The following ADGRL3 variants were observed in gnomAD, a reference collection of about 807,000 sequenced individuals.
ADGRL3 encodes the protein calcium-independent alpha-latrotoxin receptor 3.
ADGRL3 carries 62 observed loss-of-function variants against 153.5 expected under a neutral mutation model. The ratio of observed to expected loss-of-function variants is 0.40; its 90% CI spans 0.33 to 0.50. The LOEUF is 0.50. ADGRL3 is among the 20% of genes least tolerant of loss of function. The pLI is 0.47. For synonymous variants in ADGRL3, 710 were observed against 672.5 expected (o/e 1.06, Z -0.86); for missense variants, 1,641 against 1,859.4 (o/e 0.88, Z 2.16).
intron 8 of ADGRL3, among the ~76,000 whole-genome samples, chr4:61,749,806 A>T (rs1037583913): frequency 6.6e-6 from 1 of 152,104 alleles, no homozygotes; most frequent in Non-Finnish European, 1.5e-5. Flanking sequence ...ACATGTATAC[A>T]TATGTAACTA....
intron 2 of ADGRL3, among the ~76,000 whole-genome samples, chr4:61,438,648 G>C (rs970076724): frequency 1.3e-5 from 2 of 151,346 alleles, no homozygotes; most frequent in African/African-American, 2.4e-5. Flanking sequence ...TTAAATATTA[G>C]TTGAATGAAT....
intron 8 of ADGRL3, among the ~76,000 whole-genome samples, chr4:61,734,664 G>A (rs966543554): frequency 1.3e-4 from 20 of 149,226 alleles, no homozygotes; most frequent in African/African-American, 4.9e-4. Context: ...TTCAAGATGA[G>A]ATTTGGGTAG....
intron 2 of ADGRL3, among the ~76,000 whole-genome samples, chr4:61,482,836 A>T (rs904732175): frequency 6.6e-6 from 1 of 152,170 alleles, no homozygotes; most frequent in Non-Finnish European, 1.5e-5. Context: ...AGTTTTCTGT[A>T]TTTCAGGTGC....
At chr4:61,727,626 C>T (rs2096372163) in intron 6 of ADGRL3, among the ~76,000 whole-genome samples, 1 of 152,056 alleles carries the variant, frequency 6.6e-6, no homozygotes, top group Admixed American at 6.6e-5. Flanking sequence ...TGTTTTGTAG[C>T]AACAAATGTT....
At chr4:62,063,151 T>A (rs773383857) in intron 25 of ADGRL3, among the ~76,000 whole-genome samples, 1 of 152,082 alleles carries the variant, frequency 6.6e-6, no homozygotes, top group Non-Finnish European at 1.5e-5. Context: ...GCTTTTGTTT[T>A]GTGTTTTGTG....
intron 1 of ADGRL3, among the ~76,000 whole-genome samples, chr4:61,346,668 T>C (rs1392231324): frequency 1.3e-5 from 2 of 149,948 alleles, no homozygotes; most frequent in Non-Finnish European, 3.0e-5. Flanking sequence ...CCGGCTACTC[T>C]GAAGGCTGAG....
chr4:61,795,975 T>C (rs1345328537), intron 8 of ADGRL3, among the ~76,000 whole-genome samples: 1 of 152,142 alleles, frequency 6.6e-6, no homozygotes, highest in African/African-American at 2.4e-5. Context: ...CCCGAGTAGC[T>C]GGGATTACAG....
intron 9 of ADGRL3, among the ~76,000 whole-genome samples, chr4:61,863,152 A>G (rs1024363281): frequency 6.6e-6 from 1 of 151,108 alleles, no homozygotes; most frequent in African/African-American, 2.4e-5. Flanking sequence ...AATGTGCATG[A>G]TACCCTGAAG....
Position 61,909,650 on chromosome 4 carries a change from G to C in ADGRL3, c.1978G>C (p.Val660Leu), listed in dbSNP as rs2098712587. Residue 660 changes from valine (V) to leucine (L), a missense_variant, in exon 12 of 27, where the codon GTC becomes CTC. Coordinates refer to ENST00000683033, the MANE Select transcript of ADGRL3 (RefSeq NM_001387552.1). The stretch of plus-strand genomic sequence containing the variant: ...GAATGCTGGGGACATCACCTACTCT[G>C]TCCGGGCCATGGACCAGCTGGTAGG... Reference protein sequence around the residue: ...HLNAGDITYSVRAMDQLVGLL... With the variant: ...HLNAGDITYSLRAMDQLVGLL... 1.2e-6 allele frequency: 2 copies of C among 1,612,004 alleles called. No individual in the cohort carries two copies. The highest frequency in any genetic ancestry group is 2.7e-5 in the African/African-American group (2 of 74,840).
At chr4:61,308,710 T>C (rs977385183) in intron 1 of ADGRL3, among the ~76,000 whole-genome samples, 1 of 152,088 alleles carries the variant, frequency 6.6e-6, no homozygotes, top group Admixed American at 6.6e-5. Flanking sequence ...AGTCATAAAG[T>C]AGAAAAATTA....
At chr4:61,565,197 T>TA (rs1002874855) in intron 4 of ADGRL3, among the ~76,000 whole-genome samples, 3 of 152,106 alleles carry the variant, frequency 2.0e-5, no homozygotes, top group African/African-American at 7.2e-5. Flanking sequence ...CAAAGCAGAA[T>TA]AAAACAAGGT....
At chr4:61,644,490 T>C (rs1303341957) in intron 5 of ADGRL3, among the ~76,000 whole-genome samples, 1 of 152,188 alleles carries the variant, frequency 6.6e-6, no homozygotes, top group Non-Finnish European at 1.5e-5. Flanking sequence ...GTATGTTGTG[T>C]CTTCTCTTTG....
At chr4:61,859,845 A>G (rs1302372442) in intron 9 of ADGRL3, among the ~76,000 whole-genome samples, 1 of 152,194 alleles carries the variant, frequency 6.6e-6, no homozygotes, top group African/African-American at 2.4e-5. Flanking sequence ...AGGAAAACCA[A>G]TTTTAAGGGA....
chr4:61,766,943 G>A (rs2096990408), intron 8 of ADGRL3, among the ~76,000 whole-genome samples: 1 of 152,020 alleles, frequency 6.6e-6, no homozygotes, highest in South Asian at 2.1e-4. Context: ...AGGTAAAATG[G>A]GGGAATTGTA....
intron 8 of ADGRL3, among the ~76,000 whole-genome samples, chr4:61,758,692 A>G (rs553463634): frequency 2.6e-5 from 4 of 152,234 alleles, no homozygotes; most frequent in Admixed American, 2.6e-4. Context: ...TAAGGTTAAT[A>G]TTGTTATGTG....
At chr4:61,454,448 CA>C (rs1415643228) in intron 2 of ADGRL3, among the ~76,000 whole-genome samples, 2 of 151,910 alleles carry the variant, frequency 1.3e-5, no homozygotes, top group Non-Finnish European at 2.9e-5. Context: ...TAAAACAAAA[CA>C]ATGTGAATGT....
intron 1 of ADGRL3, among the ~76,000 whole-genome samples, chr4:61,291,823 A>G (rs1176882279): frequency 1.4e-5 from 2 of 147,642 alleles, no homozygotes; most frequent in Non-Finnish European, 3.0e-5. Context: ...TGCGAAGAAG[A>G]GTGTAATTAT....
chr4:61,607,365 A>G (rs2099036340), intron 5 of ADGRL3, among the ~76,000 whole-genome samples: 1 of 152,106 alleles, frequency 6.6e-6, no homozygotes, highest in Admixed American at 6.5e-5. Context: ...TTGGGAGGCC[A>G]AGGTGGGCGG....
intron 6 of ADGRL3, among the ~76,000 whole-genome samples, chr4:61,725,130 C>A (rs1318836248): frequency 6.6e-6 from 1 of 152,102 alleles, no homozygotes; most frequent in East Asian, 1.9e-4. Context: ...GTGTTGAGCA[C>A]TGTAGATGAG....
Sources: allele counts gnomAD v4.1 joint callset (sites outside exome capture counted in the v4.1 genomes callset), GRCh38; gene constraint gnomAD v4.1.1; transcripts MANE v1.5; gene names NCBI Gene and HGNC (gene_info 2026-07-23, HGNC 2026-07-21).